PCDH15: variants seen among roughly 807,000 people sequenced by gnomAD.
PCDH15 encodes protocadherin-15.
Under a neutral mutation model 178.5 loss-of-function variants are expected in PCDH15, and 129 were observed. The observed-to-expected ratio is 0.72, with a 90% CI of 0.63 to 0.84. The LOEUF (loss-of-function observed/expected upper bound fraction) is 0.84. Among genes scored for constraint, PCDH15 ranks in the 40% least tolerant of loss-of-function variants. PCDH15 has a pLI of 0.00. For synonymous variants in PCDH15, 800 were observed against 732.0 expected (o/e 1.09, Z -1.50); for missense variants, 2,230 against 2,099.9 (o/e 1.06, Z -1.21).
At chr10:55,340,157 CAT>C (rs150441385) in intron 2 of PCDH15, among the ~76,000 whole-genome samples, 1 of 150,932 alleles carries the variant, frequency 6.6e-6, no homozygotes, top group Non-Finnish European at 1.5e-5. Context: ...GACACACATA[CAT>C]ATATATAGTA....
chr10:55,485,948 T>G (rs760835341), intron 2 of PCDH15, among the ~76,000 whole-genome samples: 2 of 151,616 alleles, frequency 1.3e-5, no homozygotes, highest in Non-Finnish European at 3.0e-5. Context: ...GTAATAAAAA[T>G]CCTGTATTTC....
chr10:55,385,019 A>G (rs977703622), intron 2 of PCDH15, among the ~76,000 whole-genome samples: 5 of 152,328 alleles, frequency 3.3e-5, no homozygotes, highest in Admixed American at 1.3e-4. Flanking sequence ...ATAATTACAG[A>G]TTTATTAGAT....
intron 3 of PCDH15, among the ~76,000 whole-genome samples, chr10:54,512,942 G>T (rs1565465476): frequency 6.6e-6 from 1 of 151,970 alleles, no homozygotes. Context: ...GAATTAGACA[G>T]TATTTTTACA....
intron 9 of PCDH15, among the ~76,000 whole-genome samples, chr10:54,234,779 T>C (rs1406724090): frequency 6.6e-6 from 1 of 152,218 alleles, no homozygotes; most frequent in African/African-American, 2.4e-5. Flanking sequence ...TAAGAGTTTA[T>C]ATCTATTGTT....
intron 2 of PCDH15, among the ~76,000 whole-genome samples, chr10:54,932,524 T>G (rs1837804974): frequency 6.6e-6 from 1 of 152,190 alleles, no homozygotes; most frequent in African/African-American, 2.4e-5. Flanking sequence ...AAAGGCAATT[T>G]TATAAGTTTA....
chr10:53,978,673 T>C (rs940224748), intron 21 of PCDH15, among the ~76,000 whole-genome samples: 1 of 144,230 alleles, frequency 6.9e-6, no homozygotes, highest in Non-Finnish European at 1.5e-5. Context: ...TTTTTTTTTT[T>C]TCTACTGCAT....
At chr10:54,103,578 C>G (rs182765153) in intron 15 of PCDH15, among the ~76,000 whole-genome samples, 67 of 152,224 alleles carry the variant, frequency 4.4e-4, no homozygotes, top group African/African-American at 1.4e-3. Flanking sequence ...TCAGGACCCA[C>G]CCAGCAGGGA....
intron 2 of PCDH15, among the ~76,000 whole-genome samples, chr10:54,620,691 G>A (rs938602980): frequency 5.3e-5 from 8 of 151,868 alleles, no homozygotes; most frequent in African/African-American, 1.7e-4. Context: ...AATCATAATA[G>A]TCTAACTTTT....
chr10:54,319,228 T>C (rs1381142786), intron 7 of PCDH15, among the ~76,000 whole-genome samples: 1 of 152,186 alleles, frequency 6.6e-6, no homozygotes, highest in Admixed American at 6.6e-5. Context: ...TATACTTGCA[T>C]GCATGTTCAT....
intron 2 of PCDH15, among the ~76,000 whole-genome samples, chr10:55,588,262 A>G (rs1026612029): frequency 1.3e-5 from 2 of 152,176 alleles, no homozygotes; most frequent in African/African-American, 2.4e-5. Context: ...AGTTGCTGGC[A>G]GCTAAGACTC....
chr10:54,789,895 T>C (rs1951224976), intron 1 of PCDH15, among the ~76,000 whole-genome samples: 1 of 151,874 alleles, frequency 6.6e-6, no homozygotes, highest in Non-Finnish European at 1.5e-5. Context: ...TAAAGCAGAA[T>C]ACAAAAATAT....
intron 2 of PCDH15, among the ~76,000 whole-genome samples, chr10:55,033,669 C>A (rs1195114739): frequency 6.6e-6 from 1 of 152,068 alleles, no homozygotes; most frequent in East Asian, 1.9e-4. Flanking sequence ...TTAGATGAGA[C>A]TTTGGACTTA....
chr10:55,299,307 C>G (rs1265445713), intron 1 of PCDH15, among the ~76,000 whole-genome samples: 2 of 152,112 alleles, frequency 1.3e-5, no homozygotes, highest in African/African-American at 4.8e-5. Flanking sequence ...ACAGCAAATG[C>G]AATGTGTTGT....
chr10:54,325,588 C>A (rs7079170), intron 7 of PCDH15, among the ~76,000 whole-genome samples: 105,566 of 151,230 alleles, frequency 0.7, 37,525 homozygotes, highest in Middle Eastern at 0.81. Flanking sequence ...GTTTCTACTA[C>A]ACATCCAAAA....
chr10:54,576,922 C>A (rs561259170), intron 2 of PCDH15, among the ~76,000 whole-genome samples: 1 of 142,198 alleles, frequency 7.0e-6, no homozygotes, highest in Non-Finnish European at 1.5e-5. Flanking sequence ...TTGAGGAGTA[C>A]GCAATCTGTT....
At chr10:54,491,737 AAATC>A (rs2079612914) in intron 3 of PCDH15, among the ~76,000 whole-genome samples, 1 of 152,174 alleles carries the variant, frequency 6.6e-6, no homozygotes, top group African/African-American at 2.4e-5. Context: ...TCATCTGTAA[AAATC>A]AAAGTGAAAC....
At chr10:54,403,279 G>A (rs180850121) in intron 3 of PCDH15, among the ~76,000 whole-genome samples, 61 of 152,106 alleles carry the variant, frequency 4.0e-4, no homozygotes, top group Non-Finnish European at 7.7e-4. Context: ...GTAGATGTTG[G>A]TTCATAAGGC....
chr10:54,820,192 C>A (rs1053862436), intron 3 of PCDH15, among the ~76,000 whole-genome samples: 16 of 151,920 alleles, frequency 1.1e-4, no homozygotes. Context: ...TGTAACAATC[C>A]AATGGAGATG....
intron 2 of PCDH15, among the ~76,000 whole-genome samples, chr10:55,016,606 T>G (rs2131949293): frequency 6.6e-6 from 1 of 152,340 alleles, no homozygotes; most frequent in Non-Finnish European, 1.5e-5. Context: ...GGTTGAGTAG[T>G]ACTTCATTGT....
Sources: allele counts gnomAD v4.1 joint callset (sites outside exome capture counted in the v4.1 genomes callset), GRCh38; gene constraint gnomAD v4.1.1; transcripts MANE v1.5; gene names NCBI Gene and HGNC (gene_info 2026-07-23, HGNC 2026-07-21).